Variants in MNS1 observed in about 807,000 individuals in gnomAD.
The protein encoded by MNS1 is meiosis specific nuclear structural 1, also known as meiosis-specific nuclear structural protein 1.
In MNS1, 63 loss-of-function variants were observed where a neutral mutation model predicts 72.0. The ratio of observed to expected loss-of-function variants is 0.87; its 90% CI spans 0.71 to 1.08. MNS1 has a LOEUF of 1.08. Among genes scored for constraint, MNS1 ranks in the 50% least tolerant of loss-of-function variants. The probability of loss-of-function intolerance (pLI) is 0.00; values close to 1 mark genes in which losing one functional copy is unlikely to be tolerated. For missense variants in MNS1, 604 were observed against 562.4 expected, an observed-to-expected ratio of 1.07 and a Z score of -0.75; for synonymous variants, 188 against 172.1, an observed-to-expected ratio of 1.09 and a Z score of -0.72.
Position 56,438,430 on chromosome 15 carries a change from T to A in MNS1, c.1012-4035A>T, listed in dbSNP as rs539502044. Among the ~76,000 whole-genome samples the A allele has an allele frequency of 4.4e-3, 667 of 152,240 alleles. 7 individuals carry two copies. Among genetic ancestry groups the A allele is most frequent in the Middle Eastern group, 0.017 (5 of 294 alleles). On this transcript the variant is annotated intron_variant, in intron 7 of 9. Transcript: ENST00000260453. Reference sequence around the variant, plus strand: ...GTTTAATAAATGGTGCTGGAAAAACTGGCTAGCCATAGGTAGAAAGCTGAA... The same window carrying A: ...GTTTAATAAATGGTGCTGGAAAAACAGGCTAGCCATAGGTAGAAAGCTGAA...
chr15:56,458,772 C>T (rs1232709174), intron 2 of MNS1, among the ~76,000 whole-genome samples: 1 of 152,054 alleles, frequency 6.6e-6, no homozygotes, highest in Non-Finnish European at 1.5e-5. Flanking sequence ...CACATCTTTT[C>T]ATGGCTTCAT....
chr15:56,443,821 T>G lies in MNS1; in HGVS notation c.720A>C (p.Ala240=). ...GAAACTCTTCTATATACCTTCGCAT[T>G]GCATTCATTTTTTCTAACTTTTGTT... ...EKQQKLEKMN[A]MRRYIEEFQK... is the part of the protein sequence containing the mutation. Residue 240 remains alanine (A), a synonymous_variant, in exon 6 of 10, where the codon GCA becomes GCC. Transcript: ENST00000260453. 6.2e-7 allele frequency: 1 copy of G among 1,604,778 alleles called. No homozygotes were observed. The highest frequency in any genetic ancestry group is 8.5e-7 in the Non-Finnish European group (1 of 1,176,854).
intron 7 of MNS1, among the ~76,000 whole-genome samples, chr15:56,441,998 C>T (rs1328282067): frequency 2.6e-5 from 4 of 151,398 alleles, no homozygotes; most frequent in East Asian, 1.9e-4. Flanking sequence ...CCAACCTGGG[C>T]GACAGAGCGA....
At chr15:56,454,893 A>ATTCT (rs2050970936) in intron 3 of MNS1, among the ~76,000 whole-genome samples, 1 of 152,142 alleles carries the variant, frequency 6.6e-6, no homozygotes, top group Non-Finnish European at 1.5e-5. Flanking sequence ...ATAAAATCTA[A>ATTCT]TTCTGTATTA....
intron 2 of MNS1, among the ~76,000 whole-genome samples, chr15:56,462,597 A>G (rs945317560): frequency 1.3e-5 from 2 of 152,240 alleles, no homozygotes; most frequent in Non-Finnish European, 1.5e-5. Flanking sequence ...GGCTTAGTTT[A>G]GCAAGCTAAA....
At chr15:56,440,582 C>A (rs1284657105) in intron 7 of MNS1, among the ~76,000 whole-genome samples, 4 of 151,900 alleles carry the variant, frequency 2.6e-5, no homozygotes, top group Non-Finnish European at 5.9e-5. Flanking sequence ...CTTTAATGGG[C>A]AAATGGTCAA....
chr15:56,451,898 T>G (rs1232462755), intron 3 of MNS1, among the ~76,000 whole-genome samples: 1 of 152,202 alleles, frequency 6.6e-6, no homozygotes, highest in Non-Finnish European at 1.5e-5. Context: ...ATTACTTACG[T>G]CTAGTTTAAT....
intron 7 of MNS1, among the ~76,000 whole-genome samples, chr15:56,437,147 C>CA (rs1395688314): frequency 1.3e-5 from 2 of 151,964 alleles, no homozygotes; most frequent in Non-Finnish European, 2.9e-5. Context: ...GTCATCCTGA[C>CA]AGAGACACCA....
chr15:56,449,035 A>G (rs1009351400), intron 3 of MNS1, among the ~76,000 whole-genome samples: 12 of 152,146 alleles, frequency 7.9e-5, no homozygotes, highest in African/African-American at 2.4e-5. Flanking sequence ...GATTAGAGGC[A>G]TGAGCCACCA....
At chr15:56,464,579 C>CCCA (rs3050228) in intron 1 of MNS1, among the ~76,000 whole-genome samples, 120,079 of 150,458 alleles carry the variant, frequency 0.8, 49,789 homozygotes, top group South Asian at 0.91. Context: ...CCTCATTCCA[C>CCCA]CCACCACCAC....
chr15:56,433,262 TGG>T (rs1169384436), intron 8 of MNS1, among the ~76,000 whole-genome samples: 3 of 70,304 alleles, frequency 4.3e-5, no homozygotes, highest in Non-Finnish European at 8.7e-5. Context: ...TGTCGGGGGG[TGG>T]GGGGGACAAG....
rs1260633008 is a variant in MNS1 at position 56,431,360 on chromosome 15, A to G, written c.1395+13T>C. 7 of 1,608,374 alleles carry G rather than the reference A, an allele frequency of 4.4e-6. No homozygotes were observed. In the Admixed American group the frequency reaches 1.2e-4, roughly 27 times the overall value. ...GGTCATGAAGATTACAACTTGAGAT[A>G]AATCTCACTTACTTTAGGGAGATAG... On this transcript the variant is annotated intron_variant, in intron 9 of 9. Coordinates refer to ENST00000260453, the MANE Select transcript of MNS1 (RefSeq NM_018365.4).
chr15:56,458,842 C>T (rs1409975865), intron 2 of MNS1, among the ~76,000 whole-genome samples: 2 of 152,260 alleles, frequency 1.3e-5, no homozygotes, highest in Admixed American at 1.3e-4. Flanking sequence ...ACAGTTTATC[C>T]ATTATCTACT....
intron 2 of MNS1, among the ~76,000 whole-genome samples, chr15:56,457,805 C>A (rs1305189359): frequency 6.6e-6 from 1 of 151,740 alleles, no homozygotes; most frequent in Non-Finnish European, 1.5e-5. Context: ...CAGAGCAAGA[C>A]CCTGTCTCTT....
chr15:56,445,893 T>C (rs2050897714), intron 4 of MNS1: 1 of 152,074 alleles, frequency 6.6e-6, no homozygotes, highest in African/African-American at 2.4e-5. Flanking sequence ...ACATTGTTTG[T>C]GCTACTTTCT....
At chr15:56,446,681 C>T (rs1160432844) in intron 4 of MNS1, among the ~76,000 whole-genome samples, 160 bp downstream of exon 4, 1 of 151,918 alleles carries the variant, frequency 6.6e-6, no homozygotes, top group African/African-American at 2.4e-5. Flanking sequence ...AAAATGAAAT[C>T]ACGCAGGATT....
At chr15:56,431,329 A>C (rs1400143081) in intron 9 of MNS1, 44 bp downstream of exon 9, 1 of 1,597,888 alleles carries the variant, frequency 6.3e-7, no homozygotes, top group South Asian at 1.1e-5. Flanking sequence ...TTTTTTCACT[A>C]TTACAGGTCA....
chr15:56,447,012 G>C, intron 3 of MNS1, 69 bp from the exon 4 acceptor site: 1 of 1,039,400 alleles, frequency 9.6e-7, no homozygotes, highest in South Asian at 1.4e-5. Flanking sequence ...ACAGAAAACT[G>C]AGTAACTGTA....
intron 3 of MNS1, chr15:56,447,590 A>G (rs1477636436): frequency 6.6e-6 from 1 of 152,204 alleles, no homozygotes; most frequent in East Asian, 1.9e-4. Flanking sequence ...CAGAAATACA[A>G]TTAATGTTTA....
Sources: allele counts gnomAD v4.1 joint callset (sites outside exome capture counted in the v4.1 genomes callset), GRCh38; gene constraint gnomAD v4.1.1; transcripts MANE v1.5; gene names NCBI Gene and HGNC (gene_info 2026-07-23, HGNC 2026-07-21).